WWOX: variants seen among roughly 807,000 people sequenced by gnomAD.
WWOX encodes WW domain containing oxidoreductase.
A neutral mutation model predicts 46.2 loss-of-function variants in WWOX; 69 were observed. The observed-to-expected ratio is 1.49, with a 90% CI of 1.23 to 1.82. WWOX has a LOEUF of 1.82. WWOX is among the 40% of genes most tolerant of loss of function. The pLI is 0.00. For synonymous variants in WWOX, 359 were observed against 202.6 expected, an observed-to-expected ratio of 1.77 and a Z score of -6.56; for missense variants, 919 against 542.6, an observed-to-expected ratio of 1.69 and a Z score of -6.89.
At chr16:78,277,787 G>A (rs765717639) in intron 5 of WWOX, among the ~76,000 whole-genome samples, 11 of 152,146 alleles carry the variant, frequency 7.2e-5, no homozygotes, top group Non-Finnish European at 1.3e-4. Flanking sequence ...GAAGGAAAGC[G>A]AGATAAATGC....
At chr16:78,100,287 C>T (rs1489037864) in intron 1 of WWOX, 2 of 1,059,106 alleles carry the variant, frequency 1.9e-6, no homozygotes, top group South Asian at 2.9e-5. Flanking sequence ...CGGTATTGCT[C>T]AGTCATCCAG....
intron 8 of WWOX, among the ~76,000 whole-genome samples, chr16:78,786,457 A>G (rs376697692): frequency 4.1e-4 from 63 of 152,320 alleles, no homozygotes; most frequent in African/African-American, 1.4e-3. Context: ...TAGTAAAACA[A>G]TTTAGAAGTC....
intron 8 of WWOX, among the ~76,000 whole-genome samples, chr16:78,989,241 G>A (rs780343580): frequency 7.2e-5 from 11 of 152,106 alleles, no homozygotes; most frequent in East Asian, 5.8e-4. Flanking sequence ...TTTCCTCTTC[G>A]GGTGGTTCTA....
chr16:78,152,434 A>T (rs2034450361), intron 4 of WWOX, among the ~76,000 whole-genome samples: 1 of 152,206 alleles, frequency 6.6e-6, no homozygotes, highest in Non-Finnish European at 1.5e-5. Flanking sequence ...TGGGTCAAAG[A>T]GCATGTCCAC....
intron 8 of WWOX, among the ~76,000 whole-genome samples, chr16:78,446,489 A>G (rs74030265): frequency 0.085 from 12,896 of 152,120 alleles, 684 homozygotes; most frequent in East Asian, 0.2. Context: ...GTCACATCCC[A>G]GGAACTCCGT....
At chr16:78,781,333 G>T (rs1029520670) in intron 8 of WWOX, among the ~76,000 whole-genome samples, 1 of 152,154 alleles carries the variant, frequency 6.6e-6, no homozygotes, top group African/African-American at 2.4e-5. Context: ...AAGGGGAGCT[G>T]TGTTTGAGAT....
At chr16:78,480,763 A>T (rs2084465542) in intron 8 of WWOX, among the ~76,000 whole-genome samples, 4 of 152,220 alleles carry the variant, frequency 2.6e-5, no homozygotes. Flanking sequence ...GAGAGGGTCC[A>T]TGTTGGAACC....
chr16:78,886,108 A>G (rs1387578509), intron 8 of WWOX, among the ~76,000 whole-genome samples: 1 of 151,858 alleles, frequency 6.6e-6, no homozygotes, highest in African/African-American at 2.4e-5. Context: ...TATATTTAGT[A>G]GAGACGGGGT....
At chr16:78,477,938 G>A (rs1028408987) in intron 8 of WWOX, among the ~76,000 whole-genome samples, 2 of 152,144 alleles carry the variant, frequency 1.3e-5, no homozygotes, top group Non-Finnish European at 1.5e-5. Flanking sequence ...GCTAAAATGT[G>A]TGTATTAGAA....
In WWOX at chr16:78,891,405, G is replaced by C. The variant is rs538360126; in HGVS notation, c.1057-320203G>C. ...TGAGTTCCTGTTACCAGGGAATACA[G>C]AGTTAAAAAGGTGATCTCACTAAAA... On this transcript the variant is annotated intron_variant, in intron 8 of 8. Coordinates refer to ENST00000566780, the MANE Select transcript of WWOX (RefSeq NM_016373.4). 5.3e-5 allele frequency: 8 copies of C among 152,236 alleles called. No individual in the cohort carries two copies. The South Asian group carries it at 1.7e-3, about 32-fold the overall frequency. 9.4% of individuals were successfully genotyped at this position (152,236 alleles called of 1,614,324 possible). A position where few individuals can be genotyped will look rare whatever the true frequency, so the allele number is the denominator to read the frequency against.
chr16:79,210,918 T>C (rs899754406), intron 8 of WWOX, among the ~76,000 whole-genome samples: 10 of 152,166 alleles, frequency 6.6e-5, no homozygotes, highest in African/African-American at 2.4e-4. Flanking sequence ...TGTACCCCCT[T>C]ACCTGTGGTC....
In WWOX at chr16:78,737,157, T is replaced by G. The variant is rs143421765; in HGVS notation, c.1056+304405T>G. On this transcript the variant is annotated intron_variant, in intron 8 of 8. Transcript: ENST00000566780. ...CTCTGTCACCCAGGCTGGAGTGCAGTGGTATGATCTCGGCTCACTACAGCT... is the reference window on the plus strand; with the variant it reads ...CTCTGTCACCCAGGCTGGAGTGCAGGGGTATGATCTCGGCTCACTACAGCT... 6.1e-3 allele frequency among the ~76,000 whole-genome samples: 928 copies of G among 152,102 alleles called. 8 individuals carry two copies. Among genetic ancestry groups the G allele is most frequent in the African/African-American group, 0.021 (879 of 41,512 alleles).
intron 8 of WWOX, among the ~76,000 whole-genome samples, chr16:78,547,558 T>G (rs1171830049): frequency 6.6e-6 from 1 of 152,208 alleles, no homozygotes; most frequent in Non-Finnish European, 1.5e-5. Flanking sequence ...TAGTCTGTCC[T>G]GGCTACTATA....
intron 8 of WWOX, among the ~76,000 whole-genome samples, chr16:78,805,053 T>A (rs1303215696): frequency 6.6e-6 from 1 of 152,244 alleles, no homozygotes; most frequent in Non-Finnish European, 1.5e-5. Flanking sequence ...TTGCAACCCA[T>A]CTTAAAAATA....
intron 8 of WWOX, among the ~76,000 whole-genome samples, chr16:78,878,738 C>A (rs1226788552): frequency 6.6e-6 from 1 of 151,958 alleles, no homozygotes; most frequent in African/African-American, 2.4e-5. Flanking sequence ...TCTATCCTGA[C>A]AATGTTAGTG....
At position 78,947,370 on chromosome 16, in the gene WWOX, C is replaced by T. The variant is rs191439434; in HGVS notation, c.1057-264238C>T. ...GCCCCTAGCTGCATTTGTTATTTTT[C>T]TCTTCCCCCCCTTAGCTGTATCCCT... On this transcript the variant is annotated intron_variant, in intron 8 of 8. Transcript: ENST00000566780. Among the ~76,000 whole-genome samples, 8 of 145,622 alleles carry T rather than the reference C, an allele frequency of 5.5e-5. No homozygotes were observed. The East Asian group carries it at 1.2e-3, about 22-fold the overall frequency.
intron 5 of WWOX, among the ~76,000 whole-genome samples, chr16:78,345,557 T>TTGAC (rs35651519): frequency 0.26 from 23,525 of 91,972 alleles, 7,216 homozygotes; most frequent in African/African-American, 0.48. Flanking sequence ...GGTGGGAAGT[T>TTGAC]TGAACCTGGG....
chr16:78,429,014 T>C (rs1048627078), intron 7 of WWOX, among the ~76,000 whole-genome samples: 24 of 152,228 alleles, frequency 1.6e-4, no homozygotes, highest in Non-Finnish European at 2.5e-4. Context: ...TTGTTTTTTT[T>C]ATTAAGGACT....
At chr16:78,382,662 T>C (rs1418235866) in intron 5 of WWOX, among the ~76,000 whole-genome samples, 1 of 152,168 alleles carries the variant, frequency 6.6e-6, no homozygotes, top group East Asian at 1.9e-4. Flanking sequence ...ACTTTTCATG[T>C]TCTAGATGGC....
Sources: gnomAD v4.1 joint callset for allele counts (sites outside exome capture counted in the v4.1 genomes callset) on GRCh38, gnomAD v4.1.1 for gene constraint, MANE v1.5 for transcripts, NCBI Gene and HGNC (gene_info 2026-07-23, HGNC 2026-07-21) for gene names.